Variants in ABCC9 observed in about 807,000 individuals in gnomAD.
ABCC9 encodes the protein ATP binding cassette subfamily C member 9, also known as ATP-binding cassette sub-family C member 9.
ABCC9 carries 95 observed loss-of-function variants against 188.3 expected under a neutral mutation model. That is an observed-to-expected ratio of 0.50 (90% CI 0.43 to 0.60). The LOEUF (loss-of-function observed/expected upper bound fraction) is 0.60. Ranked by LOEUF, ABCC9 falls within the 20% of genes least tolerant of loss-of-function variation. The pLI is 0.00. For synonymous variants in ABCC9, 659 were observed against 652.7 expected (o/e 1.01, Z -0.15); for missense variants, 1,102 against 1,876.3 (o/e 0.59, Z 7.62).
At position 21,798,838 on chromosome 12, in the gene ABCC9, G is replaced by A. The variant is rs1424721109; in HGVS notation, c.*2206C>T. On this transcript the variant is annotated 3_prime_UTR_variant, in exon 40 of 40. Transcript: ENST00000261200. ...CATTATTCACAATAGCAAAGACTTG[G>A]AACCAACCCAAATGTCCAACAATGA... is the stretch of plus-strand genomic sequence containing the variant. The A allele has an allele frequency of 6.8e-6, 1 of 146,964 alleles. No individual in the cohort carries two copies. Among genetic ancestry groups the A allele is most frequent in the Non-Finnish European group, 1.5e-5 (1 of 66,426 alleles). The allele number at this position is 146,964 out of a possible 1,614,324, so 9.1% of individuals were successfully genotyped here.
chr12:21,850,225 C>G (rs1944892922), intron 24 of ABCC9, among the ~76,000 whole-genome samples: 1 of 151,520 alleles, frequency 6.6e-6, no homozygotes, highest in African/African-American at 2.4e-5. Context: ...CAAATGTCCT[C>G]TAGGAGGGAA....
chr12:21,897,298 G>A (rs574201928), intron 12 of ABCC9, among the ~76,000 whole-genome samples: 1 of 152,166 alleles, frequency 6.6e-6, no homozygotes, highest in South Asian at 2.1e-4. Flanking sequence ...TAAGTTCCTT[G>A]TAGATTCTGG....
chr12:21,870,263 T>G (rs183582622), intron 18 of ABCC9, among the ~76,000 whole-genome samples: 160 of 150,960 alleles, frequency 1.1e-3, no homozygotes, highest in African/African-American at 2.7e-3. Context: ...AGTTTTTTGT[T>G]TTTTTTTTTA....
intron 12 of ABCC9, among the ~76,000 whole-genome samples, chr12:21,900,272 CAAACAG>C (rs1947669776): frequency 6.6e-6 from 1 of 152,154 alleles, no homozygotes; most frequent in Non-Finnish European, 1.5e-5. Context: ...GGAAAAGTAA[CAAACAG>C]AAAGGACATC....
intron 30 of ABCC9, among the ~76,000 whole-genome samples, chr12:21,834,466 C>T (rs1357936030): frequency 6.6e-6 from 1 of 152,082 alleles, no homozygotes; most frequent in East Asian, 1.9e-4. Context: ...CTTTCCAGAC[C>T]TGTCCTTGAC....
chr12:21,915,514 A>ATATATATATATATATATTTT, intron 7 of ABCC9, among the ~76,000 whole-genome samples, 154 bp downstream of exon 7: 1 of 3,522 alleles, frequency 2.8e-4, no homozygotes, highest in African/African-American at 1.1e-3. Context: ...ATATATATAT[A>ATATATATATATATATATTTT]TTTTTTTTTT....
intron 14 of ABCC9, among the ~76,000 whole-genome samples, chr12:21,891,342 CTCT>C (rs1381231370): frequency 4.6e-5 from 7 of 152,134 alleles, no homozygotes; most frequent in African/African-American, 9.7e-5. Context: ...AAAGAAATCA[CTCT>C]TCTTCGAGCA....
At chr12:21,850,898 A>G (rs943930493) in intron 24 of ABCC9, among the ~76,000 whole-genome samples, 3 of 151,942 alleles carry the variant, frequency 2.0e-5, no homozygotes, top group African/African-American at 7.2e-5. Context: ...TTTTTGCCAA[A>G]TATCCTCATT....
At chr12:21,891,087 A>G (rs1002943912) in intron 14 of ABCC9, among the ~76,000 whole-genome samples, 2 of 152,160 alleles carry the variant, frequency 1.3e-5, no homozygotes, top group African/African-American at 2.4e-5. Flanking sequence ...TTATAACACC[A>G]TAACCCACCA....
chr12:21,910,850 G>A lies in ABCC9; in HGVS notation c.1140C>T (p.Gly380=). The A allele has an allele frequency of 6.2e-7, 1 of 1,612,250 alleles. No individual in the cohort carries two copies. The highest frequency in any genetic ancestry group is 8.5e-7 in the Non-Finnish European group (1 of 1,178,588). The change falls in exon 9 of 40, where the codon GGC becomes GGT. Residue 380 remains glycine, a synonymous_variant. Coordinates refer to ENST00000261200, the MANE Select transcript of ABCC9 (RefSeq NM_020297.4). ...QASYYVTIET[G]INLRGALLAM... ...CCAGCAGAGCTCCACGGAGGTTAATGCCAGTCTCTATGGTTACATAGTAGG... is the reference window on the plus strand; with the variant it reads ...CCAGCAGAGCTCCACGGAGGTTAATACCAGTCTCTATGGTTACATAGTAGG...
intron 10 of ABCC9, 65 bp downstream of exon 10, chr12:21,910,087 AAATAC>A: frequency 1.4e-6 from 2 of 1,420,524 alleles, no homozygotes; most frequent in Admixed American, 1.7e-5. Flanking sequence ...TTACAGAGCT[AAATAC>A]ATTACTGCTT....
intron 25 of ABCC9, among the ~76,000 whole-genome samples, chr12:21,846,944 C>G (rs7968673): frequency 0.015 from 2,312 of 150,936 alleles, 57 homozygotes; most frequent in African/African-American, 0.051. Flanking sequence ...AACTCCAAGT[C>G]TCTTAAGACT....
In ABCC9 at chr12:21,940,935, C is replaced by T. The variant is rs374656002; in HGVS notation, c.-136-110G>A. The T allele has an allele frequency of 4.6e-5, 7 of 152,276 alleles. 1 individual carries two copies. In the East Asian group the frequency reaches 7.7e-4, roughly 17 times the overall value. 9.4% of individuals were successfully genotyped at this position (152,276 alleles called of 1,614,324 possible). ...TAATAATAACTCCTAATAATAATAA[C>T]TCCTTTCACTGTTTCCAGTTGATTT... On this transcript the variant is annotated intron_variant, in intron 1 of 39. Transcript: ENST00000261200.
intron 16 of ABCC9, among the ~76,000 whole-genome samples, chr12:21,878,778 G>A (rs1452631160): frequency 6.6e-6 from 1 of 152,144 alleles, no homozygotes; most frequent in Non-Finnish European, 1.5e-5. Flanking sequence ...CTACATTGAA[G>A]TAAAAGAAGG....
At chr12:21,882,896 C>G in intron 15 of ABCC9, 23 bp from the exon 16 acceptor site, 1 of 1,572,216 alleles carries the variant, frequency 6.4e-7, no homozygotes, top group Non-Finnish European at 8.8e-7. Flanking sequence ...TGGAAAAGAA[C>G]ACAAGTTGAG....
In ABCC9 at chr12:21,895,291, A is replaced by G; in HGVS notation, c.1643T>C (p.Ile548Thr). Residue 548 changes from isoleucine (I) to threonine (T), a missense_variant, in exon 13 of 40, where the codon ATA becomes ACA. Coordinates refer to ENST00000261200, the MANE Select transcript of ABCC9 (RefSeq NM_020297.4). ...LSIFMNAAIPIAAVLATFVTH... is the reference protein window; with the variant it reads ...LSIFMNAAIPTAAVLATFVTH... ...GTGTCTTACAGCAAGAACAGCTGCT[A>G]TGGGAATTGCTGCATTCATGAAGAC... is the stretch of plus-strand genomic sequence containing the variant. 1 of 1,613,772 alleles carries G rather than the reference A, an allele frequency of 6.2e-7. No individual in the cohort carries two copies.
chr12:21,867,111 T>TA (rs1945821368), intron 18 of ABCC9, among the ~76,000 whole-genome samples: 1 of 152,122 alleles, frequency 6.6e-6, no homozygotes, highest in African/African-American at 2.4e-5. Flanking sequence ...GAGGTAAACT[T>TA]AGACTCATTT....
intron 5 of ABCC9, among the ~76,000 whole-genome samples, chr12:21,918,072 T>A (rs191692605): frequency 1.3e-5 from 2 of 152,096 alleles, no homozygotes; most frequent in East Asian, 3.9e-4. Flanking sequence ...CTAAAGAGAT[T>A]CACCTTAAGT....
chr12:21,912,821 C>G (rs377693742), intron 8 of ABCC9, 51 bp downstream of exon 8: 2 of 1,578,764 alleles, frequency 1.3e-6, no homozygotes, highest in Non-Finnish European at 1.7e-6. Context: ...GTGACAATTA[C>G]AATGAAATCC....
Sources: allele counts gnomAD v4.1 joint callset (sites outside exome capture counted in the v4.1 genomes callset), GRCh38; gene constraint gnomAD v4.1.1; transcripts MANE v1.5; gene names NCBI Gene and HGNC (gene_info 2026-07-23, HGNC 2026-07-21).